The following SIL1 variants were observed in gnomAD, a reference collection of about 807,000 sequenced individuals.
The protein encoded by SIL1 is nucleotide exchange factor SIL1.
A neutral mutation model predicts 49.1 loss-of-function variants in SIL1; 40 were observed. The ratio of observed to expected loss-of-function variants is 0.81; its 90% CI spans 0.63 to 1.06. SIL1 has a LOEUF of 1.06. Among genes scored for constraint, SIL1 ranks in the 50% least tolerant of loss-of-function variants. SIL1 has a pLI of 0.00. For missense variants in SIL1, 500 were observed against 572.6 expected (o/e 0.87, Z 1.29); for synonymous variants, 253 against 250.8 (o/e 1.01, Z -0.08).
At chr5:138,966,708 C>T (rs1054783506) in intron 7 of SIL1, among the ~76,000 whole-genome samples, 2 of 152,170 alleles carry the variant, frequency 1.3e-5, no homozygotes, top group Admixed American at 6.5e-5. Context: ...AAGTGCTTTT[C>T]AAGCATTAAA....
At chr5:138,968,938 T>G (rs1767211374) in intron 7 of SIL1, among the ~76,000 whole-genome samples, 1 of 152,022 alleles carries the variant, frequency 6.6e-6, no homozygotes, top group Non-Finnish European at 1.5e-5. Context: ...TCTCTCCCCA[T>G]CTCCCTGCAC....
chr5:138,976,873 A>C (rs1767404855), intron 7 of SIL1, among the ~76,000 whole-genome samples: 1 of 152,208 alleles, frequency 6.6e-6, no homozygotes, highest in Non-Finnish European at 1.5e-5. Context: ...GCAAAGCTCT[A>C]ATCATTATGT....
chr5:139,137,904 C>T (rs944957750), intron 1 of SIL1, among the ~76,000 whole-genome samples: 2 of 151,882 alleles, frequency 1.3e-5, no homozygotes, highest in Non-Finnish European at 2.9e-5. Context: ...ACCACACACA[C>T]GCGCACACAC....
chr5:139,010,719 GCC>G lies in SIL1; in HGVS notation c.767+10450_767+10451del. On this transcript the variant is annotated intron_variant, in intron 7 of 9. Transcript: ENST00000394817. Reference sequence around the variant, plus strand: ...AGCTGCAGGTCTGTTGGAATACCCTGCCGTGTGATGTGTCAGTGTGCCCCTGC... The same window carrying G: ...AGCTGCAGGTCTGTTGGAATACCCTGGTGTGATGTGTCAGTGTGCCCCTGC... 2.0e-5 allele frequency among the ~76,000 whole-genome samples: 3 copies of G among 151,748 alleles called. No individual in the cohort carries two copies. The South Asian group carries it at 6.3e-4, about 32-fold the overall frequency.
At chr5:139,088,390 T>C (rs1171034603) in intron 3 of SIL1, among the ~76,000 whole-genome samples, 1 of 152,234 alleles carries the variant, frequency 6.6e-6, no homozygotes, top group Non-Finnish European at 1.5e-5. Context: ...ACATGCCCTG[T>C]CCTCAAATGC....
intron 1 of SIL1, among the ~76,000 whole-genome samples, chr5:139,187,521 A>AG (rs1420926006): frequency 1.3e-5 from 2 of 151,806 alleles, no homozygotes; most frequent in Non-Finnish European, 2.9e-5. Flanking sequence ...CCATCTTAAA[A>AG]AAAAAAAAAA....
intron 7 of SIL1, among the ~76,000 whole-genome samples, chr5:139,018,979 G>C (rs546061034): frequency 1.4e-3 from 211 of 152,316 alleles, no homozygotes; most frequent in African/African-American, 4.9e-3. Flanking sequence ...TGTAGGTCCA[G>C]TGGTCTGCCT....
At chr5:139,042,767 G>A (rs763684335) in intron 4 of SIL1, 48 bp from the exon 5 acceptor site, 26 of 1,537,722 alleles carry the variant, frequency 1.7e-5, no homozygotes, top group Non-Finnish European at 2.3e-5. Flanking sequence ...GCTAGGCTTG[G>A]TGGCTCACAG....
In SIL1 at chr5:139,042,056, C is replaced by T. The variant is rs372262160; in HGVS notation, c.453+564G>A. ...GGCTGTAATTCTTCACCTTTTCCTC[C>T]TCTCATTCCCTTAGCTTGTAGAGAA... On this transcript the variant is annotated intron_variant, in intron 5 of 9. Transcript: ENST00000394817. 3.3e-5 allele frequency among the ~76,000 whole-genome samples: 5 copies of T among 152,302 alleles called. No homozygotes were observed. In the East Asian group the frequency reaches 9.7e-4, roughly 29 times the overall value.
rs147974182 is a variant in SIL1 at position 138,951,177 on chromosome 5, C to T, written c.1023G>A (p.Thr341=). ...RVVTLLYDLV[T]EKMFAEEEAE... is the part of the protein sequence containing the mutation. ...GGTGGGCCTGGGCACTCACCTTCTC[C>T]GTGACCAGGTCGTAGAGCAGTGTGA... Residue 341 remains threonine, a synonymous_variant, in exon 9 of 10, where the codon ACG becomes ACA. Transcript: ENST00000394817. 5.7e-5 allele frequency: 92 copies of T among 1,611,272 alleles called. No homozygotes were observed. Among genetic ancestry groups the T allele is most frequent in the East Asian group, 3.3e-4 (15 of 44,808 alleles).
In SIL1 at chr5:138,947,141, G is replaced by A. The variant is rs1464192327; in HGVS notation, c.1362C>T (p.Asn454=). 10 of 1,613,504 alleles carry A rather than the reference G, an allele frequency of 6.2e-6. No homozygotes were observed. The highest frequency in any genetic ancestry group is 4.5e-5 in the East Asian group (2 of 44,890). Residue 454 remains asparagine (N), a synonymous_variant, in exon 10 of 10, where the codon AAC becomes AAT. Transcript: ENST00000394817. The surrounding 1 kb of genome is among the most constrained non-coding windows in gnomAD (Gnocchi z 4.1). ...CTCATCTCAGCTCCTTCAGCAAGCT[G>A]TTGACAGAGCCCAGCAGCTCCTGGA... The part of the protein sequence containing the change: ...GYFQELLGSV[N]SLLKELR
At chr5:139,086,607 T>G (rs1489184851) in intron 3 of SIL1, among the ~76,000 whole-genome samples, 6 of 151,062 alleles carry the variant, frequency 4.0e-5, no homozygotes, top group Non-Finnish European at 7.4e-5. Context: ...TCCCCCTGCC[T>G]CGGCCTCCCA....
intron 1 of SIL1, among the ~76,000 whole-genome samples, chr5:139,150,796 G>A (rs781462687): frequency 5.3e-5 from 8 of 152,068 alleles, no homozygotes; most frequent in Non-Finnish European, 8.8e-5. Flanking sequence ...TGAGTCCTCC[G>A]GAAATGTCAA....
At chr5:139,082,531 C>G (rs1203922379) in intron 3 of SIL1, among the ~76,000 whole-genome samples, 1 of 152,160 alleles carries the variant, frequency 6.6e-6, no homozygotes, top group Non-Finnish European at 1.5e-5. Flanking sequence ...TGGAAGCCCC[C>G]GCAAAGCAGA....
At chr5:139,087,340 T>C (rs1770244590) in intron 3 of SIL1, among the ~76,000 whole-genome samples, 1 of 152,140 alleles carries the variant, frequency 6.6e-6, no homozygotes, top group African/African-American at 2.4e-5. Context: ...TTAGAAATGA[T>C]AGGTGCCATG....
chr5:139,154,671 G>A (rs939001564), intron 1 of SIL1, among the ~76,000 whole-genome samples: 3 of 152,242 alleles, frequency 2.0e-5, no homozygotes, highest in East Asian at 1.9e-4. Flanking sequence ...CCCCCACCCC[G>A]AAAGCCTCTT....
chr5:139,175,693 T>A (rs531401878), intron 1 of SIL1, among the ~76,000 whole-genome samples: 21 of 152,320 alleles, frequency 1.4e-4, no homozygotes, highest in Non-Finnish European at 2.2e-4. Context: ...CCAGGCGCGG[T>A]GGCTCACGCC....
intron 3 of SIL1, among the ~76,000 whole-genome samples, chr5:139,119,515 C>T (rs983095213): frequency 1.3e-5 from 2 of 152,178 alleles, no homozygotes; most frequent in Non-Finnish European, 2.9e-5. Flanking sequence ...AATCCTAGGA[C>T]TTTGGCAGGC....
At chr5:139,030,712 T>C (rs895469813) in intron 5 of SIL1, among the ~76,000 whole-genome samples, 1 of 152,014 alleles carries the variant, frequency 6.6e-6, no homozygotes, top group Non-Finnish European at 1.5e-5. Context: ...TTCCGGGCTA[T>C]GTTGCCCAGG....
Sources: gnomAD v4.1 joint callset for allele counts (sites outside exome capture counted in the v4.1 genomes callset) on GRCh38, gnomAD v4.1.1 for gene constraint, Gnocchi (gnomAD v3.1) non-coding constraint, MANE v1.5 for transcripts, NCBI Gene and HGNC (gene_info 2026-07-23, HGNC 2026-07-21) for gene names.